The following EXT2 variants were observed in gnomAD, a reference collection of about 807,000 sequenced individuals.
EXT2 encodes the protein exostosin glycosyltransferase 2, also known as exostosin-2.
EXT2 carries 53 observed loss-of-function variants against 81.6 expected under a neutral mutation model. That is an observed-to-expected ratio of 0.65 (90% CI 0.52 to 0.82). The LOEUF is 0.82. EXT2 is among the 40% of genes least tolerant of loss of function. The pLI, the probability that EXT2 is intolerant of heterozygous loss-of-function variation, is 0.00. For synonymous variants in EXT2, 320 were observed against 340.0 expected, an observed-to-expected ratio of 0.94 and a Z score of 0.65; for missense variants, 774 against 910.2, an observed-to-expected ratio of 0.85 and a Z score of 1.93.
rs59366346 is a variant in EXT2, at chr11:44,168,153, G to C, written c.1174-3458G>C. 3.9e-5 allele frequency among the ~76,000 whole-genome samples: 6 copies of C among 152,030 alleles called. No individual in the cohort carries two copies. The East Asian group carries it at 1.2e-3, about 29-fold the overall frequency. On this transcript the variant is annotated intron_variant, in intron 7 of 13. Coordinates refer to ENST00000533608, the MANE Select transcript of EXT2 (RefSeq NM_207122.2). ...AAGATATGAAATCTACTTTTGACAA[G>C]ATCAAATGGAAATTCTGGAACTGAA...
chr11:44,156,439 CCTCT>C (rs998969868), intron 7 of EXT2, among the ~76,000 whole-genome samples: 7 of 152,044 alleles, frequency 4.6e-5, no homozygotes, highest in Admixed American at 2.0e-4. Flanking sequence ...TCTTTTGTCT[CCTCT>C]CTCTATGTTT....
At chr11:44,152,812 G>C (rs1954810062) in intron 7 of EXT2, among the ~76,000 whole-genome samples, 1 of 152,020 alleles carries the variant, frequency 6.6e-6, no homozygotes, top group Non-Finnish European at 1.5e-5. Flanking sequence ...TATTGTTTTT[G>C]CTCCTTTGTC....
intron 7 of EXT2, among the ~76,000 whole-genome samples, chr11:44,144,669 T>C (rs933288559): frequency 6.6e-6 from 1 of 152,196 alleles, no homozygotes; most frequent in African/African-American, 2.4e-5. Context: ...TAGGGCTTTC[T>C]ATTTCAGGAG....
intron 9 of EXT2, among the ~76,000 whole-genome samples, chr11:44,201,848 A>C (rs936604610): frequency 7.9e-5 from 12 of 152,258 alleles, no homozygotes; most frequent in African/African-American, 1.2e-4. Context: ...CCATATCAGG[A>C]TTATCTAAAG....
At chr11:44,229,323 A>G (rs1392125725) in intron 10 of EXT2, among the ~76,000 whole-genome samples, 2 of 152,254 alleles carry the variant, frequency 1.3e-5, no homozygotes, top group African/African-American at 2.4e-5. Flanking sequence ...CAGAGTAGAG[A>G]GAACACAGCA....
chr11:44,224,602 G>T (rs1390983293), intron 10 of EXT2, among the ~76,000 whole-genome samples: 1 of 151,908 alleles, frequency 6.6e-6, no homozygotes. Flanking sequence ...CACATATAGG[G>T]CACTAGGATG....
chr11:44,155,561 C>T (rs1266197348), intron 7 of EXT2, among the ~76,000 whole-genome samples: 2 of 152,022 alleles, frequency 1.3e-5, no homozygotes, highest in African/African-American at 4.8e-5. Flanking sequence ...TTATTTTAAA[C>T]TGATGACAAC....
At chr11:44,172,986 C>A (rs1373543029) in intron 8 of EXT2, among the ~76,000 whole-genome samples, 1 of 152,140 alleles carries the variant, frequency 6.6e-6, no homozygotes, top group South Asian at 2.1e-4. Context: ...TTCATCCAGC[C>A]TTTTTGAAAT....
intron 1 of EXT2, among the ~76,000 whole-genome samples, chr11:44,105,626 T>C (rs769054074): frequency 6.6e-6 from 1 of 152,214 alleles, no homozygotes; most frequent in Non-Finnish European, 1.5e-5. Context: ...ACATGCAGGA[T>C]GCCAAAATAG....
At chr11:44,194,493 A>C (rs1955432444) in intron 8 of EXT2, among the ~76,000 whole-genome samples, 2 of 152,176 alleles carry the variant, frequency 1.3e-5, no homozygotes, top group Admixed American at 1.3e-4. Flanking sequence ...GTATGTATGT[A>C]GGAGGGCATA....
intron 7 of EXT2, among the ~76,000 whole-genome samples, chr11:44,146,903 T>A (rs1000035219): frequency 1.3e-5 from 2 of 152,210 alleles, no homozygotes; most frequent in Non-Finnish European, 2.9e-5. Flanking sequence ...TTAAAAAGAT[T>A]TAATAATACA....
chr11:44,223,979 G>A (rs1284456456), intron 10 of EXT2, among the ~76,000 whole-genome samples: 1 of 152,158 alleles, frequency 6.6e-6, no homozygotes, highest in Non-Finnish European at 1.5e-5. Flanking sequence ...AGTTCAACAG[G>A]AGGGACCCTT....
Position 44,251,768 on chromosome 11 carries a change from G to A in EXT2, c.*7481G>A, listed in dbSNP as rs1031873406. On this transcript the variant is annotated 3_prime_UTR_variant, in exon 14 of 14. Transcript: ENST00000533608. ...CCCTTAAAAAATAAAAAAACCTGATGTGATGGGTTCCTTCAGTCAACAAAT... is the reference window on the plus strand; with the variant it reads ...CCCTTAAAAAATAAAAAAACCTGATATGATGGGTTCCTTCAGTCAACAAAT... Among the ~76,000 whole-genome samples, 11 of 152,254 alleles carry A rather than the reference G, an allele frequency of 7.2e-5. No homozygotes were observed. The highest frequency in any genetic ancestry group is 2.6e-4 in the Admixed American group (4 of 15,294).
chr11:44,161,435 A>G (rs1261644055), intron 7 of EXT2, among the ~76,000 whole-genome samples: 3 of 152,046 alleles, frequency 2.0e-5, no homozygotes, highest in African/African-American at 7.2e-5. Flanking sequence ...TTGAAGCTGT[A>G]GTGTGCAATG....
At chr11:44,097,958 T>G (rs1002092369) in intron 1 of EXT2, among the ~76,000 whole-genome samples, 2 of 152,022 alleles carry the variant, frequency 1.3e-5, no homozygotes, top group Non-Finnish European at 2.9e-5. Context: ...TCACAATAGG[T>G]TGGGGTTAAA....
intron 10 of EXT2, among the ~76,000 whole-genome samples, chr11:44,213,703 C>T (rs1532353): frequency 0.61 from 92,154 of 151,910 alleles, 28,250 homozygotes; most frequent in Middle Eastern, 0.74. Flanking sequence ...AATAGATTGG[C>T]GAAAAATGAA....
At chr11:44,189,492 C>T (rs1480988495) in intron 8 of EXT2, among the ~76,000 whole-genome samples, 1 of 152,162 alleles carries the variant, frequency 6.6e-6, no homozygotes, top group South Asian at 2.1e-4. Context: ...CTGGGGAAGC[C>T]ACAGGAAACT....
intron 8 of EXT2, among the ~76,000 whole-genome samples, chr11:44,190,979 G>C (rs1021921325): frequency 2.0e-5 from 3 of 152,130 alleles, no homozygotes; most frequent in African/African-American, 7.2e-5. Flanking sequence ...TTCCTGAAGG[G>C]GAAACCCCTT....
At chr11:44,193,792 C>G (rs558867254) in intron 8 of EXT2, among the ~76,000 whole-genome samples, 3 of 152,290 alleles carry the variant, frequency 2.0e-5, no homozygotes, top group Admixed American at 1.3e-4. Flanking sequence ...GTCCATACCC[C>G]CCATGCTGCC....
Sources: gnomAD v4.1 joint callset for allele counts (sites outside exome capture counted in the v4.1 genomes callset) on GRCh38, gnomAD v4.1.1 for gene constraint, MANE v1.5 for transcripts, NCBI Gene and HGNC (gene_info 2026-07-23, HGNC 2026-07-21) for gene names.